Variants in METTL5 observed in about 807,000 individuals in gnomAD.
METTL5 encodes the protein methyltransferase 5, N6-adenosine.
In METTL5, 28 loss-of-function variants were observed where a neutral mutation model predicts 26.5. That is an observed-to-expected ratio of 1.06 (90% confidence interval 0.78 to 1.45). The LOEUF (loss-of-function observed/expected upper bound fraction) is 1.45. Ranked by LOEUF, METTL5 falls within the 40% of genes most tolerant of loss-of-function variation. METTL5 has a pLI of 0.00. For synonymous variants in METTL5, 86 were observed against 82.6 expected (o/e 1.04, Z -0.22); for missense variants, 231 against 249.9 (o/e 0.92, Z 0.51).
intron 4 of METTL5, among the ~76,000 whole-genome samples, chr2:169,816,467 C>A (rs1024952200): frequency 6.6e-6 from 1 of 152,078 alleles, no homozygotes; most frequent in Non-Finnish European, 1.5e-5. Flanking sequence ...TCATATGGAA[C>A]CAAAAGAGCC....
chr2:169,811,799 C>T lies in METTL5; in HGVS notation c.*21G>A, dbSNP rs766576870. The T allele has an allele frequency of 6.5e-5, 105 of 1,613,516 alleles. No homozygotes were observed. Among genetic ancestry groups the T allele is most frequent in the East Asian group, 4.5e-5 (2 of 44,842 alleles). ...TTATTCATTTTAAATAGGTTTTAAA[C>T]GACTTTTGTTTGCGGGGCTTTTAAA... On this transcript the variant is annotated 3_prime_UTR_variant, in exon 7 of 7. Coordinates refer to ENST00000260953, the MANE Select transcript of METTL5 (RefSeq NM_014168.4).
intron 5 of METTL5, among the ~76,000 whole-genome samples, chr2:169,814,422 G>C (rs926680069): frequency 5.0e-5 from 6 of 119,574 alleles, no homozygotes; most frequent in African/African-American, 1.9e-4. Flanking sequence ...GGGAGGTGGA[G>C]GTTGCCACTG....
At chr2:169,811,916 G>T in intron 6 of METTL5, 58 bp from the exon 7 acceptor site, 1 of 1,553,022 alleles carries the variant, frequency 6.4e-7, no homozygotes, top group Non-Finnish European at 8.8e-7. Flanking sequence ...ATGCAAATGA[G>T]ATTTCTTTGA....
At chr2:169,814,886 T>C (rs112207988) in intron 5 of METTL5, among the ~76,000 whole-genome samples, 8,274 of 151,530 alleles carry the variant, frequency 0.055, 242 homozygotes, top group Non-Finnish European at 0.078. Flanking sequence ...ACTTTTTTTT[T>C]TCATTTGTTT....
At position 169,822,038 on chromosome 2, in the gene METTL5, G is replaced by C; in HGVS notation, c.129C>G (p.Ile43Met). The change falls in exon 2 of 7, where the codon ATC (isoleucine) becomes ATG (methionine). Residue 43 changes from isoleucine to methionine, a missense_variant. By Grantham distance (10) the Ile-to-Met change is conservative. Transcript: ENST00000260953. ...TTTCAATGTCATCATAAGTGTTATGGATTGTATAGAGCATACATGCTAAAA... is the reference window on the plus strand; with the variant it reads ...TTTCAATGTCATCATAAGTGTTATGCATTGTATAGAGCATACATGCTAAAA... ...PHIAACMLYT[I>M]HNTYDDIENK... is the part of the protein sequence containing the mutation. 6.2e-7 allele frequency: 1 copy of C among 1,610,996 alleles called. No individual in the cohort carries two copies. Among genetic ancestry groups the C allele is most frequent in the Non-Finnish European group, 8.5e-7 (1 of 1,179,832 alleles).
intron 2 of METTL5, 27 bp from the exon 3 acceptor site, chr2:169,821,300 G>A: frequency 1.3e-6 from 2 of 1,505,828 alleles, no homozygotes; most frequent in Admixed American, 2.3e-5. Flanking sequence ...CATACAAAGA[G>A]TGGCGACTTA....
intron 5 of METTL5, among the ~76,000 whole-genome samples, chr2:169,813,529 G>A (rs1325824726): frequency 1.3e-5 from 2 of 151,744 alleles, no homozygotes; most frequent in Admixed American, 1.3e-4. Flanking sequence ...TATAGTACTG[G>A]GACTGTTCTA....
chr2:169,821,381 T>A, intron 2 of METTL5, 108 bp from the exon 3 acceptor site: 3 of 796,018 alleles, frequency 3.8e-6, no homozygotes, highest in Non-Finnish European at 5.9e-6. Flanking sequence ...TTAACCCAAT[T>A]AGCAAAGTAA....
At chr2:169,820,564 T>C (rs1215970809) in intron 3 of METTL5, among the ~76,000 whole-genome samples, 2 of 152,198 alleles carry the variant, frequency 1.3e-5, no homozygotes, top group African/African-American at 4.8e-5. Flanking sequence ...TTCTTAGCCA[T>C]GCATTAAACA....
rs1176975999 is a variant in METTL5, at chr2:169,814,029, CTT to C, written c.541+1446_541+1447del. 3.9e-5 allele frequency among the ~76,000 whole-genome samples: 6 copies of C among 152,250 alleles called. No individual in the cohort carries two copies. In the East Asian group the frequency reaches 9.6e-4, roughly 24 times the overall value. On this transcript the variant is annotated intron_variant, in intron 5 of 6. Transcript: ENST00000260953. ...AAAAAACATGTTCCCTTATTGCACT[CTT>C]ATTTCAGGCTTAGATTATAATTAGC... is the stretch of plus-strand genomic sequence containing the variant.
chr2:169,819,652 A>C lies in METTL5; in HGVS notation c.407-9T>G, dbSNP rs761000794. On this transcript the variant is annotated splice_polypyrimidine_tract_variant and intron_variant, in intron 3 of 6. Coordinates refer to ENST00000260953, the MANE Select transcript of METTL5 (RefSeq NM_014168.4). ...AAAAGCCATATCTGTCCCTGTGAAG[A>C]GTAGAAAAAAAGCTCCTATTTACCT... The C allele has an allele frequency of 3.1e-6, 5 of 1,599,688 alleles. No homozygotes were observed. Among genetic ancestry groups the C allele is most frequent in the Non-Finnish European group, 4.3e-6 (5 of 1,170,700 alleles).
At chr2:169,815,762 GC>G (rs761844368) in intron 4 of METTL5, among the ~76,000 whole-genome samples, 6 of 152,150 alleles carry the variant, frequency 3.9e-5, no homozygotes, top group Non-Finnish European at 7.4e-5. Context: ...AGCTACTCAT[GC>G]ACCACATAAT....
At chr2:169,823,288 A>AT (rs2081609312) in intron 1 of METTL5, among the ~76,000 whole-genome samples, 1 of 152,012 alleles carries the variant, frequency 6.6e-6, no homozygotes, top group East Asian at 1.9e-4. Flanking sequence ...GATTGTTATT[A>AT]TTTTTTAAAC....
chr2:169,819,248 G>A (rs531872279), intron 4 of METTL5, among the ~76,000 whole-genome samples: 2 of 152,012 alleles, frequency 1.3e-5, no homozygotes, highest in Non-Finnish European at 2.9e-5. Flanking sequence ...GGGACAAAAG[G>A]GATCAACTAA....
At chr2:169,820,883 A>C (rs1047122993) in intron 3 of METTL5, among the ~76,000 whole-genome samples, 2 of 91,522 alleles carry the variant, frequency 2.2e-5, no homozygotes, top group Non-Finnish European at 4.9e-5. Context: ...GGAAATTAAA[A>C]TTTGTGTGTG....
rs750872796 is a variant in METTL5 at position 169,822,059 on chromosome 2, T to TA, written c.110-3dup. On this transcript the variant is annotated splice_region_variant and splice_polypyrimidine_tract_variant and intron_variant, in intron 1 of 6. Coordinates refer to ENST00000260953, the MANE Select transcript of METTL5 (RefSeq NM_014168.4). ...TATGGATTGTATAGAGCATACATGCTAAAAAATAAAAAAAAAAAGAATAAG... is the reference window on the plus strand; with the variant it reads ...TATGGATTGTATAGAGCATACATGCTAAAAAAATAAAAAAAAAAAGAATAAG... 12 of 1,574,330 alleles carry TA rather than the reference T, an allele frequency of 7.6e-6. No homozygotes were observed. The Admixed American group carries it at 1.3e-4, about 18-fold the overall frequency.
At chr2:169,814,578 T>C (rs1287915989) in intron 5 of METTL5, among the ~76,000 whole-genome samples, 1 of 2,694 alleles carries the variant, frequency 3.7e-4, no homozygotes, top group Admixed American at 0.014. Flanking sequence ...CAAGCCCACT[T>C]TTTTTTTTTT....
Position 169,824,800 on chromosome 2 carries a change from C to T in METTL5, c.-203G>A. 1 of 496,674 alleles carries T rather than the reference C, an allele frequency of 2.0e-6. No homozygotes were observed. The highest frequency in any genetic ancestry group is 3.7e-6 in the Non-Finnish European group (1 of 272,924). The allele number at this position is 496,674 out of a possible 1,614,324, so 30.8% of individuals were successfully genotyped here. On this transcript the variant is annotated 5_prime_UTR_variant, in exon 1 of 7. Transcript: ENST00000260953. ...GACCCACCTCCCGGCTAACCCAAGC[C>T]GCCCCAGGAGACGGCGGCGGCGCAC...
chr2:169,815,540 TA>T lies in METTL5; in HGVS notation c.490-13del. The T allele has an allele frequency of 1.3e-6, 2 of 1,577,012 alleles. No individual in the cohort carries two copies. Among genetic ancestry groups the T allele is most frequent in the South Asian group, 1.2e-5 (1 of 86,632 alleles). On this transcript the variant is annotated splice_polypyrimidine_tract_variant and intron_variant, in intron 4 of 6. Transcript: ENST00000260953. ...TTCTTTTGAACATGCTGAACATAAA[TA>T]ATATGTTGTTATGAGCTGATTTTTA... is the stretch of plus-strand genomic sequence containing the variant.
Sources: allele counts gnomAD v4.1 joint callset (sites outside exome capture counted in the v4.1 genomes callset), GRCh38; gene constraint gnomAD v4.1.1; transcripts MANE v1.5; gene names NCBI Gene and HGNC (gene_info 2026-07-23, HGNC 2026-07-21).